The following TCFL5 variants were observed in gnomAD, a reference collection of about 807,000 sequenced individuals.
The protein encoded by TCFL5 is transcription factor-like 5 protein.
Under a neutral mutation model 44.3 loss-of-function variants are expected in TCFL5, and 9 were observed. The observed-to-expected ratio is 0.20, with a 90% CI of 0.12 to 0.35. The LOEUF (loss-of-function observed/expected upper bound fraction) is 0.35, where lower values mean the gene tolerates loss of function less well. TCFL5 is among the 10% of genes least tolerant of loss of function. The probability of loss-of-function intolerance (pLI) is 1.00; values close to 1 mark genes in which losing one functional copy is unlikely to be tolerated. For synonymous variants in TCFL5, 319 were observed against 271.6 expected (o/e 1.17, Z -1.72); for missense variants, 603 against 613.4 (o/e 0.98, Z 0.18).
chr20:62,843,244 T>C lies in TCFL5; in HGVS notation c.1381-1147A>G, dbSNP rs1479806174. 2.6e-5 allele frequency among the ~76,000 whole-genome samples: 4 copies of C among 152,272 alleles called. No individual in the cohort carries two copies. The East Asian group carries it at 7.7e-4, about 29-fold the overall frequency. On this transcript the variant is annotated intron_variant, in intron 5 of 5. Transcript: ENST00000335351. ...GATCCTGATTCAAATGAGCTGACCG[T>C]AGAGACACCTGTGGGCTCACGGGAG... is the stretch of plus-strand genomic sequence containing the variant.
rs534127864 is a variant in TCFL5 at position 62,860,380 on chromosome 20, T to C, written c.648-72A>G. 1.3e-3 allele frequency: 1,898 copies of C among 1,420,058 alleles called. 54 individuals are homozygous for C. In the South Asian group the frequency reaches 0.024, roughly 18 times the overall value. 88.0% of individuals were successfully genotyped at this position (1,420,058 alleles called of 1,614,324 possible). A position where few individuals can be genotyped will look rare whatever the true frequency, so the allele number is the denominator to read the frequency against. ...ACAAGCATCCACCATCCCACTCCCA[T>C]GGCTCTGGCTAGTTTTTCCAGACAG... On this transcript the variant is annotated intron_variant, in intron 1 of 5. Transcript: ENST00000335351.
At chr20:62,858,512 T>C (rs1368369053) in intron 3 of TCFL5, among the ~76,000 whole-genome samples, 1 of 152,270 alleles carries the variant, frequency 6.6e-6, no homozygotes, top group Non-Finnish European at 1.5e-5. Flanking sequence ...AGGACTGACA[T>C]GGGAGAAGGC....
chr20:62,859,201 A>G (rs2063945554), intron 3 of TCFL5, among the ~76,000 whole-genome samples, 163 bp downstream of exon 3: 1 of 152,230 alleles, frequency 6.6e-6, no homozygotes. Context: ...AAGCGAAAAG[A>G]CAGGGAAGCG....
At chr20:62,855,933 T>A (rs192355725) in intron 4 of TCFL5, among the ~76,000 whole-genome samples, 1 of 151,926 alleles carries the variant, frequency 6.6e-6, no homozygotes, top group Non-Finnish European at 1.5e-5. Flanking sequence ...TAATTAATTA[T>A]AGATTAGGGA....
chr20:62,847,181 CAAAA>C (rs11351521), intron 5 of TCFL5, among the ~76,000 whole-genome samples: 3 of 100,258 alleles, frequency 3.0e-5, no homozygotes, highest in African/African-American at 3.8e-5. Context: ...AACTTCATCT[CAAAA>C]AAAAAAAAAA....
chr20:62,850,025 T>C (rs1193645280), intron 5 of TCFL5, among the ~76,000 whole-genome samples: 6 of 151,964 alleles, frequency 3.9e-5, no homozygotes, highest in South Asian at 2.1e-4. Context: ...TAAAAGAACA[T>C]TTTGGGCAAA....
At chr20:62,852,196 C>A (rs1411729659) in intron 5 of TCFL5, 1 of 985,348 alleles carries the variant, frequency 1.0e-6, no homozygotes, top group Non-Finnish European at 1.2e-6. Flanking sequence ...AGCAGCAATT[C>A]CCCAACAGCT....
Position 62,847,738 on chromosome 20 carries a change from G to A in TCFL5, c.1381-5641C>T, listed in dbSNP as rs149887138. Among the ~76,000 whole-genome samples, 44 of 152,364 alleles carry A rather than the reference G, an allele frequency of 2.9e-4. No homozygotes were observed. The East Asian group carries it at 7.7e-3, about 27-fold the overall frequency. ...GAAAATCCGTATGTAGGCCAGGCGC[G>A]GTGGCTCACGTTGGTAATCCCAGCA... On this transcript the variant is annotated intron_variant, in intron 5 of 5. Transcript: ENST00000335351.
chr20:62,858,976 G>A (rs1246750844), intron 3 of TCFL5, among the ~76,000 whole-genome samples: 1 of 152,168 alleles, frequency 6.6e-6, no homozygotes, highest in African/African-American at 2.4e-5. Context: ...CCTCCTATTA[G>A]CAGCCACCTA....
chr20:62,856,564 G>A (rs1288383937), intron 4 of TCFL5, among the ~76,000 whole-genome samples: 2 of 152,114 alleles, frequency 1.3e-5, no homozygotes, highest in Admixed American at 6.5e-5. Flanking sequence ...AAATTAGCCA[G>A]GTGTGGTGGC....
At chr20:62,858,496 AAAGG>A (rs765563604) in intron 3 of TCFL5, among the ~76,000 whole-genome samples, 1 of 152,274 alleles carries the variant, frequency 6.6e-6, no homozygotes, top group Non-Finnish European at 1.5e-5. Flanking sequence ...ATAGGGAGGA[AAAGG>A]AAGGACTGAC....
intron 2 of TCFL5, 103 bp from the exon 3 acceptor site, chr20:62,859,629 G>A (rs1312281056): frequency 3.8e-6 from 4 of 1,042,792 alleles, no homozygotes; most frequent in Admixed American, 3.0e-5. Flanking sequence ...CTACTAACAC[G>A]TAATTTGAAG....
chr20:62,859,705 ATTTTTTTGTTTTTG>A (rs1327009192), intron 2 of TCFL5, among the ~76,000 whole-genome samples, 179 bp from the exon 3 acceptor site: 3 of 151,426 alleles, frequency 2.0e-5, no homozygotes, highest in Non-Finnish European at 2.9e-5. Context: ...TTTCACAGGT[ATTTTTTTGTTTTTG>A]TTTTTTTGTT....
In TCFL5 at chr20:62,857,617, G is replaced by C. The variant is rs771430182; in HGVS notation, c.1016C>G (p.Ala339Gly). The C allele has an allele frequency of 1.2e-6, 2 of 1,614,202 alleles. No individual in the cohort carries two copies. Among genetic ancestry groups the C allele is most frequent in the South Asian group, 2.2e-5 (2 of 91,082 alleles). Reference sequence around the variant, plus strand: ...CATTCTACTCCGATTCCTCTTCAGTGCTTGTTTGCATAGCGCTGCTTCTTT... The same window carrying C: ...CATTCTACTCCGATTCCTCTTCAGTCCTTGTTTGCATAGCGCTGCTTCTTT... Reference protein sequence around the residue: ...KVGEAALCKQALKRNRSRMRQ... With the variant: ...KVGEAALCKQGLKRNRSRMRQ... Residue 339 changes from alanine to glycine, a missense_variant, in exon 4 of 6, where the codon GCA (alanine) becomes GGA (glycine). Coordinates refer to ENST00000335351, the MANE Select transcript of TCFL5 (RefSeq NM_006602.4).
rs957196569 is a variant in TCFL5 at position 62,841,918 on chromosome 20, G to T, written c.*57C>A. The stretch of plus-strand genomic sequence containing the variant: ...GCAGAGCTCCAGGGTTGCAGAAGGC[G>T]TGCACAGGTCACGAAGGAATGGCTG... On this transcript the variant is annotated 3_prime_UTR_variant, in exon 6 of 6. Transcript: ENST00000335351. 3.9e-5 allele frequency: 63 copies of T among 1,607,274 alleles called. No individual in the cohort carries two copies. Among genetic ancestry groups the T allele is most frequent in the Middle Eastern group, 2.1e-4 (1 of 4,752 alleles).
rs1453637484 is a variant in TCFL5 at position 62,841,344 on chromosome 20, CTT to C, written c.*629_*630del. On this transcript the variant is annotated 3_prime_UTR_variant, in exon 6 of 6. Coordinates refer to ENST00000335351, the MANE Select transcript of TCFL5 (RefSeq NM_006602.4). Reference sequence around the variant, plus strand: ...GTGACACATGAAGTAATGAATGACTCTTGGTATGAAAACGTGGCATTTAAGCG... The same window carrying C: ...GTGACACATGAAGTAATGAATGACTCGGTATGAAAACGTGGCATTTAAGCG... 1 of 154,200 alleles carries C rather than the reference CTT, an allele frequency of 6.5e-6. No homozygotes were observed. The highest frequency in any genetic ancestry group is 1.4e-5 in the Non-Finnish European group (1 of 69,444). The allele number at this position is 154,200 out of a possible 1,614,324, so 9.6% of individuals were successfully genotyped here.
At chr20:62,845,342 C>T (rs570409513) in intron 5 of TCFL5, 146 of 1,078,008 alleles carry the variant, frequency 1.4e-4, no homozygotes, top group Admixed American at 1.3e-3. Flanking sequence ...AGGCTGGTCT[C>T]GAACTCCTGA....
intron 5 of TCFL5, among the ~76,000 whole-genome samples, chr20:62,850,698 GCCC>G (rs2063797809): frequency 6.6e-6 from 1 of 152,208 alleles, no homozygotes; most frequent in South Asian, 2.1e-4. Context: ...GACTGCCGAG[GCCC>G]CCAACCCTCA....
chr20:62,851,746 G>A lies in TCFL5; in HGVS notation c.1380+2270C>T, dbSNP rs7346949. 2,663 of 985,444 alleles carry A rather than the reference G, an allele frequency of 2.7e-3. 74 individuals carry two copies. The African/African-American group carries it at 0.044, about 16-fold the overall frequency. 61.0% of individuals were successfully genotyped at this position (985,444 alleles called of 1,614,324 possible). ...ACAAACTATTGCCTGGCGCTGAAGA[G>A]ACGAGCCCTCACTCAACACAGCCCA... On this transcript the variant is annotated intron_variant, in intron 5 of 5. Transcript: ENST00000335351.
Sources: allele counts gnomAD v4.1 joint callset (sites outside exome capture counted in the v4.1 genomes callset), GRCh38; gene constraint gnomAD v4.1.1; transcripts MANE v1.5; gene names NCBI Gene and HGNC (gene_info 2026-07-23, HGNC 2026-07-21).